The following HTR2C variants were observed in gnomAD, a reference collection of about 807,000 sequenced individuals.
HTR2C encodes 5-hydroxytryptamine (serotonin) receptor 2C, G protein-coupled.
HTR2C carries 5 observed loss-of-function variants against 21.0 expected under a neutral mutation model. The observed-to-expected ratio is 0.24, with a 90% CI of 0.12 to 0.50. The LOEUF is 0.50. Ranked by LOEUF, HTR2C falls within the 20% of genes least tolerant of loss-of-function variation. The pLI is 0.98. For missense variants in HTR2C, 271 were observed against 371.2 expected, an observed-to-expected ratio of 0.73 and a Z score of 2.22; for synonymous variants, 150 against 145.3, an observed-to-expected ratio of 1.03 and a Z score of -0.23.
chrX:114,869,517 T>C (rs979027343), intron 5 of HTR2C, among the ~76,000 whole-genome samples: 1 of 112,537 alleles, frequency 8.9e-6, no homozygotes, highest in African/African-American at 3.2e-5. Flanking sequence ...GATTTTATAT[T>C]CTGCAACTTT....
In HTR2C at chrX:114,838,815, C is replaced by G. The variant is rs782706812; in HGVS notation, c.350-9188C>G. On this transcript the variant is annotated intron_variant, in intron 4 of 5. Coordinates refer to ENST00000276198, the MANE Select transcript of HTR2C (RefSeq NM_000868.4). The stretch of plus-strand genomic sequence containing the variant: ...GGCTCACATAATTCCACACATTGTT[C>G]TATGCTCTATGGATAATGGAAAAAT... Among the ~76,000 whole-genome samples, 4 of 112,007 alleles carry G rather than the reference C, an allele frequency of 3.6e-5. No homozygotes were observed. The South Asian group carries it at 1.5e-3, about 42-fold the overall frequency.
chrX:114,864,558 A>T (rs947528486), intron 5 of HTR2C, among the ~76,000 whole-genome samples: 1 of 111,328 alleles, frequency 9.0e-6, no homozygotes, highest in Non-Finnish European at 1.9e-5. Flanking sequence ...CGTATAATTT[A>T]TACAGTATTG....
At chrX:114,822,176 T>A (rs973049876) in intron 4 of HTR2C, among the ~76,000 whole-genome samples, 1 of 111,604 alleles carries the variant, frequency 9.0e-6, no homozygotes, top group Non-Finnish European at 1.9e-5. Context: ...AAAATTATAT[T>A]TTTTTCTATT....
At chrX:114,834,060 G>C (rs1334683271) in intron 4 of HTR2C, among the ~76,000 whole-genome samples, 1 of 111,056 alleles carries the variant, frequency 9.0e-6, no homozygotes. Flanking sequence ...AGTGTGGTCT[G>C]AGAGATAGTT....
At chrX:114,694,042 A>G (rs1412358297) in intron 2 of HTR2C, among the ~76,000 whole-genome samples, 1 of 111,755 alleles carries the variant, frequency 8.9e-6, no homozygotes, top group African/African-American at 3.3e-5. Flanking sequence ...TAATTATCAA[A>G]CTTTACTATG....
intron 2 of HTR2C, among the ~76,000 whole-genome samples, chrX:114,681,601 AT>A (rs1556413513): frequency 9.0e-6 from 1 of 111,339 alleles, no homozygotes; most frequent in Non-Finnish European, 1.9e-5. Flanking sequence ...AAGAGATGAA[AT>A]AATGTTCCTC....
intron 4 of HTR2C, among the ~76,000 whole-genome samples, chrX:114,839,814 A>G (rs1388796565): frequency 9.0e-6 from 1 of 111,564 alleles, no homozygotes; most frequent in African/African-American, 3.3e-5. Context: ...GATAGAGAGA[A>G]CCACAAATTC....
intron 2 of HTR2C, among the ~76,000 whole-genome samples, chrX:114,682,415 A>G (rs910903755): frequency 1.6e-4 from 18 of 111,487 alleles, no homozygotes; most frequent in Non-Finnish European, 5.7e-5. Flanking sequence ...CTTATTATCT[A>G]TAATTGGTGG....
At chrX:114,644,881 C>G (rs1324670801) in intron 2 of HTR2C, among the ~76,000 whole-genome samples, 2 of 110,694 alleles carry the variant, frequency 1.8e-5, no homozygotes, top group Non-Finnish European at 3.8e-5. Context: ...ATGTAAGTGG[C>G]TGAGGATGTC....
chrX:114,757,501 T>C (rs1470858479), intron 4 of HTR2C, among the ~76,000 whole-genome samples: 1 of 111,543 alleles, frequency 9.0e-6, no homozygotes, highest in Non-Finnish European at 1.9e-5. Flanking sequence ...CAAGTCTTTA[T>C]CTTTCTTTTG....
intron 4 of HTR2C, among the ~76,000 whole-genome samples, chrX:114,806,003 T>C (rs1453910801): frequency 4.3e-5 from 4 of 94,106 alleles, no homozygotes; most frequent in African/African-American, 1.2e-4. Context: ...ATATATATAC[T>C]ATATATACCA....
intron 2 of HTR2C, chrX:114,715,212 G>C (rs193298262): frequency 3.9e-5 from 13 of 337,214 alleles, no homozygotes; most frequent in Admixed American, 3.5e-4. Context: ...TCTTGAAGCC[G>C]AGAAGGAAGA....
At chrX:114,740,921 C>G (rs1556425215) in intron 4 of HTR2C, among the ~76,000 whole-genome samples, 3 of 110,979 alleles carry the variant, frequency 2.7e-5, no homozygotes, top group Non-Finnish European at 5.7e-5. Context: ...ACAATAGAAG[C>G]CAGATTTCTC....
chrX:114,816,309 A>T (rs2147454835), intron 4 of HTR2C, among the ~76,000 whole-genome samples: 1 of 85,292 alleles, frequency 1.2e-5, no homozygotes, highest in East Asian at 3.6e-4. Flanking sequence ...AATCCAAATG[A>T]CCAACCGCAT....
chrX:114,680,211 T>G (rs1262372877), intron 2 of HTR2C, among the ~76,000 whole-genome samples: 1 of 112,328 alleles, frequency 8.9e-6, no homozygotes, highest in Non-Finnish European at 1.9e-5. Flanking sequence ...TAAATGAAAT[T>G]ATGCAAAACA....
intron 2 of HTR2C, among the ~76,000 whole-genome samples, chrX:114,689,208 G>GTA (rs58916694): frequency 0.24 from 17,171 of 72,599 alleles, 1,591 homozygotes; most frequent in South Asian, 0.42. Context: ...GTATGTATGC[G>GTA]TATATATATA....
At chrX:114,854,777 AAC>A (rs1361136138) in intron 5 of HTR2C, among the ~76,000 whole-genome samples, 2 of 111,749 alleles carry the variant, frequency 1.8e-5, no homozygotes, top group Non-Finnish European at 3.8e-5. Context: ...CCACAGAGTG[AAC>A]AGATAACCTG....
chrX:114,869,062 A>G (rs1013834127), intron 5 of HTR2C, among the ~76,000 whole-genome samples: 4 of 110,206 alleles, frequency 3.6e-5, no homozygotes, highest in Non-Finnish European at 5.7e-5. Context: ...TCATCGTTCA[A>G]TTCCCACCTA....
intron 2 of HTR2C, among the ~76,000 whole-genome samples, chrX:114,643,838 G>A (rs1335529897): frequency 9.0e-6 from 1 of 111,571 alleles, no homozygotes; most frequent in African/African-American, 3.3e-5. Flanking sequence ...AATAACTGCT[G>A]TATAAGGTAT....
Sources: allele counts gnomAD v4.1 joint callset (sites outside exome capture counted in the v4.1 genomes callset), GRCh38; gene constraint gnomAD v4.1.1; transcripts MANE v1.5; gene names NCBI Gene and HGNC (gene_info 2026-07-23, HGNC 2026-07-21).